The following SPATA13 variants were observed in gnomAD, a reference collection of about 807,000 sequenced individuals.
SPATA13 encodes spermatogenesis-associated protein 13.
A neutral mutation model predicts 104.0 loss-of-function variants in SPATA13; 50 were observed. The ratio of observed to expected loss-of-function variants is 0.48; its 90% confidence interval spans 0.38 to 0.61. SPATA13 has a LOEUF of 0.61. Ranked by LOEUF, SPATA13 falls within the 20% of genes least tolerant of loss-of-function variation. SPATA13 has a pLI of 0.00. For synonymous variants in SPATA13, 606 were observed against 667.5 expected (o/e 0.91, Z 1.42); for missense variants, 1,524 against 1,690.6 (o/e 0.90, Z 1.73).
chr13:24,295,670 ACTCTCT>A (rs10523910), intron 10 of SPATA13, among the ~76,000 whole-genome samples: 31,163 of 146,930 alleles, frequency 0.21, 3,424 homozygotes, highest in African/African-American at 0.26. Flanking sequence ...ACAAATTCTC[ACTCTCT>A]CTCTCTCTCT....
At chr13:24,074,183 C>T (rs939637107) in intron 3 of SPATA13, among the ~76,000 whole-genome samples, 10 of 152,198 alleles carry the variant, frequency 6.6e-5, no homozygotes, top group African/African-American at 2.4e-4. Context: ...GCCCGTTTCT[C>T]CCCAGCCCCT....
intron 4 of SPATA13, chr13:24,252,956 G>T (rs2248119): frequency 6.6e-6 from 1 of 151,900 alleles, no homozygotes; most frequent in African/African-American, 2.4e-5. Context: ...TCCAGTGAGC[G>T]CTTTGAAAAT....
chr13:24,094,457 G>A (rs1880008056), intron 3 of SPATA13, among the ~76,000 whole-genome samples: 1 of 152,220 alleles, frequency 6.6e-6, no homozygotes, highest in Non-Finnish European at 1.5e-5. Flanking sequence ...CCAGCACACA[G>A]CAGGGCAAGG....
At chr13:24,243,130 A>G (rs1180114627) in intron 2 of SPATA13, among the ~76,000 whole-genome samples, 1 of 152,238 alleles carries the variant, frequency 6.6e-6, no homozygotes, top group Non-Finnish European at 1.5e-5. Flanking sequence ...CCTTTTTCAC[A>G]TTATACAATG....
rs111910584 is a variant in SPATA13 at position 24,119,319 on chromosome 13, T to C, written c.-112+101618T>C. The stretch of plus-strand genomic sequence containing the variant: ...GTGGTGGGCCCAGGAAAAAAAAGGG[T>C]ACTTGAGCCATGTTCCCAGGAATAT... On this transcript the variant is annotated intron_variant, in intron 3 of 14. Transcript: ENST00000424834. 2.4e-3 allele frequency among the ~76,000 whole-genome samples: 369 copies of C among 151,982 alleles called. 6 individuals are homozygous for C. Among genetic ancestry groups the C allele is most frequent in the African/African-American group, 8.2e-3 (341 of 41,438 alleles).
chr13:24,250,123 G>A (rs986826233), intron 3 of SPATA13, among the ~76,000 whole-genome samples: 1 of 152,138 alleles, frequency 6.6e-6, no homozygotes, highest in African/African-American at 2.4e-5. Flanking sequence ...ATTCTAACCA[G>A]GGAAAGGTAG....
At chr13:24,284,976 C>G (rs575005883) in intron 5 of SPATA13, among the ~76,000 whole-genome samples, 1 of 152,186 alleles carries the variant, frequency 6.6e-6, no homozygotes, top group African/African-American at 2.4e-5. Context: ...CCCTCCAAAT[C>G]TGGTGTTCCT....
intron 3 of SPATA13, among the ~76,000 whole-genome samples, chr13:24,092,203 C>T (rs1164810534): frequency 6.6e-6 from 1 of 152,156 alleles, no homozygotes; most frequent in East Asian, 1.9e-4. Context: ...CAATGTTGAT[C>T]TTTTAAAAGT....
intron 4 of SPATA13, among the ~76,000 whole-genome samples, chr13:24,279,326 AG>A (rs1458512835): frequency 5.3e-5 from 8 of 152,116 alleles, no homozygotes; most frequent in African/African-American, 1.9e-4. Context: ...GAGGGGTGGG[AG>A]GCACAGTGTA....
At chr13:24,109,814 A>G (rs902271474) in intron 3 of SPATA13, among the ~76,000 whole-genome samples, 7 of 152,044 alleles carry the variant, frequency 4.6e-5, no homozygotes, top group African/African-American at 1.5e-4. Flanking sequence ...TACATCTGCA[A>G]TGAATATAGT....
chr13:24,200,339 C>G (rs1320534635), intron 1 of SPATA13, among the ~76,000 whole-genome samples: 1 of 152,144 alleles, frequency 6.6e-6, no homozygotes, highest in Non-Finnish European at 1.5e-5. Context: ...GCAGTATTTT[C>G]TAACCCAGCC....
Position 24,252,552 on chromosome 13 carries a change from TGAAAGAACAGGCA to T in SPATA13, c.2164+695_2164+707del, listed in dbSNP as rs142225816. Reference sequence around the variant, plus strand: ...CGTGTACCCATATGGCAGAAGATTTTGAAAGAACAGGCAGAAATAACAGTAGCATTGTTAGGGT... The same window carrying T: ...CGTGTACCCATATGGCAGAAGATTTTGAAATAACAGTAGCATTGTTAGGGT... On this transcript the variant is annotated intron_variant, in intron 4 of 12. Coordinates refer to ENST00000382108, the MANE Select transcript of SPATA13 (RefSeq NM_001166271.3). 4.7e-4 allele frequency among the ~76,000 whole-genome samples: 71 copies of T among 152,330 alleles called. No individual in the cohort carries two copies. The East Asian group carries it at 0.013, about 27-fold the overall frequency.
chr13:24,042,146 G>A (rs1281936157), intron 3 of SPATA13, among the ~76,000 whole-genome samples: 2 of 138,840 alleles, frequency 1.4e-5, no homozygotes, highest in South Asian at 2.3e-4. Context: ...TGTCACGGGA[G>A]CGTTGGCTAT....
intron 2 of SPATA13, among the ~76,000 whole-genome samples, chr13:23,989,503 C>A (rs182345323): frequency 0.018 from 2,684 of 151,728 alleles, 35 homozygotes; most frequent in Non-Finnish European, 0.027. Flanking sequence ...CTGAAAAAAA[C>A]AACCCAAAAT....
At chr13:24,171,532 G>A (rs1882967709) in intron 1 of SPATA13, among the ~76,000 whole-genome samples, 1 of 152,230 alleles carries the variant, frequency 6.6e-6, no homozygotes, top group Non-Finnish European at 1.5e-5. Flanking sequence ...GAATGGAGCA[G>A]CATACAGGGC....
chr13:24,251,569 C>T lies in SPATA13; in HGVS notation c.2020-149C>T, dbSNP rs75990437. On this transcript the variant is annotated intron_variant, in intron 3 of 12. Transcript: ENST00000382108. ...TGTAGCATCATGAGTTGCCACTGGG[C>T]TTCGGTGCAGCCTGCAACTCGTGGC... 1.2e-3 allele frequency: 1,816 copies of T among 1,490,844 alleles called. 13 individuals carry two copies. The African/African-American group carries it at 0.024, about 19-fold the overall frequency. 92.4% of individuals were successfully genotyped at this position (1,490,844 alleles called of 1,614,324 possible).
At chr13:23,999,504 T>G (rs1379800652) in intron 2 of SPATA13, among the ~76,000 whole-genome samples, 3 of 152,180 alleles carry the variant, frequency 2.0e-5, no homozygotes, top group Non-Finnish European at 2.9e-5. Context: ...TCTCATTTTA[T>G]TTTGCCTGAA....
At chr13:24,039,579 A>G (rs113193425) in intron 3 of SPATA13, among the ~76,000 whole-genome samples, 121 of 152,214 alleles carry the variant, frequency 7.9e-4, no homozygotes, top group African/African-American at 2.8e-3. Flanking sequence ...CTCACTCTCA[A>G]TAGGAATTCT....
chr13:24,289,548 T>C (rs1204053622), intron 8 of SPATA13, among the ~76,000 whole-genome samples: 1 of 152,184 alleles, frequency 6.6e-6, no homozygotes, highest in African/African-American at 2.4e-5. Context: ...TTTTCTTATA[T>C]TAGCTTGTGT....
Sources: allele counts gnomAD v4.1 joint callset (sites outside exome capture counted in the v4.1 genomes callset), GRCh38; gene constraint gnomAD v4.1.1; transcripts MANE v1.5; gene names NCBI Gene and HGNC (gene_info 2026-07-23, HGNC 2026-07-21).